Variants in PTPRD observed in about 807,000 individuals in gnomAD.
PTPRD encodes protein tyrosine phosphatase receptor type D.
Under a neutral mutation model 214.5 loss-of-function variants are expected in PTPRD, and 34 were observed. That is an observed-to-expected ratio of 0.16 (90% CI 0.12 to 0.21). PTPRD has a LOEUF of 0.21. Among genes scored for constraint, PTPRD ranks in the 10% least tolerant of loss-of-function variants. The pLI is 1.00. For missense variants in PTPRD, 2,545 were observed against 2,398.7 expected (o/e 1.06, Z -1.27); for synonymous variants, 1,128 against 845.7 (o/e 1.33, Z -5.79).
At chr9:10,315,935 G>T (rs1430105803) in intron 3 of PTPRD, among the ~76,000 whole-genome samples, 1 of 151,632 alleles carries the variant, frequency 6.6e-6, no homozygotes, top group Non-Finnish European at 1.5e-5. Context: ...ATTTTCTCTA[G>T]GTTTATCATA....
chr9:8,454,609 A>C (rs762716454), intron 33 of PTPRD: 113 of 1,612,378 alleles, frequency 7.0e-5, no homozygotes, highest in Non-Finnish European at 9.2e-5. Context: ...ATTTTAATGC[A>C]GCAAAAAAAG....
chr9:8,798,362 A>T lies in PTPRD; in HGVS notation c.-103-64416T>A, dbSNP rs114382298. ...ATTTTTTAACAGTTTAAATCATACCAAAGTGCCAAGAATGCAGATAATACT... is the reference window on the plus strand; with the variant it reads ...ATTTTTTAACAGTTTAAATCATACCTAAGTGCCAAGAATGCAGATAATACT... On this transcript the variant is annotated intron_variant, in intron 11 of 45. Coordinates refer to ENST00000381196, the MANE Select transcript of PTPRD (RefSeq NM_002839.4). Among the ~76,000 whole-genome samples, 1,416 of 152,320 alleles carry T rather than the reference A, an allele frequency of 9.3e-3. 13 individuals are homozygous for T. The highest frequency in any genetic ancestry group is 0.032 in the African/African-American group (1,310 of 41,564).
intron 8 of PTPRD, among the ~76,000 whole-genome samples, chr9:9,441,372 G>A (rs984705014): frequency 2.0e-5 from 3 of 152,110 alleles, no homozygotes; most frequent in Non-Finnish European, 4.4e-5. Context: ...CAGGTAAAAA[G>A]GTAGAAATAA....
At chr9:10,143,193 G>A (rs1050898102) in intron 3 of PTPRD, among the ~76,000 whole-genome samples, 3 of 152,052 alleles carry the variant, frequency 2.0e-5, no homozygotes, top group African/African-American at 2.4e-5. Context: ...GTTAGTGGGT[G>A]CAGCGCACCG....
intron 11 of PTPRD, among the ~76,000 whole-genome samples, chr9:8,780,217 T>C (rs1367391382): frequency 6.6e-6 from 1 of 152,150 alleles, no homozygotes; most frequent in African/African-American, 2.4e-5. Flanking sequence ...TCAGTAAAAA[T>C]TCTAGATAAT....
chr9:10,178,119 GTCC>G, intron 3 of PTPRD, among the ~76,000 whole-genome samples: 1 of 152,010 alleles, frequency 6.6e-6, no homozygotes, highest in Admixed American at 6.6e-5. Context: ...AGGACTGGTT[GTCC>G]ACCAGAATGA....
intron 2 of PTPRD, among the ~76,000 whole-genome samples, chr9:10,578,195 C>T (rs545792483): frequency 6.6e-6 from 1 of 152,206 alleles, no homozygotes; most frequent in East Asian, 1.9e-4. Context: ...CAGGCATGAG[C>T]CACCACACCC....
intron 37 of PTPRD, among the ~76,000 whole-genome samples, chr9:8,380,030 T>C (rs76176228): frequency 0.012 from 1,890 of 152,252 alleles, 34 homozygotes; most frequent in African/African-American, 0.042. Context: ...CAAACAGGCA[T>C]TCAACAAACA....
chr9:9,253,052 T>C (rs913070769), intron 9 of PTPRD, among the ~76,000 whole-genome samples: 2 of 152,116 alleles, frequency 1.3e-5, no homozygotes, highest in African/African-American at 2.4e-5. Context: ...AGAATAATTG[T>C]GAAATTTTAA....
intron 39 of PTPRD, among the ~76,000 whole-genome samples, chr9:8,355,975 G>T (rs2076896472): frequency 6.6e-6 from 1 of 152,058 alleles, no homozygotes; most frequent in Non-Finnish European, 1.5e-5. Context: ...ATATGTGTGT[G>T]TTTACATACA....
At chr9:8,989,821 A>T (rs2154346573) in intron 11 of PTPRD, among the ~76,000 whole-genome samples, 1 of 152,280 alleles carries the variant, frequency 6.6e-6, no homozygotes, top group South Asian at 2.1e-4. Flanking sequence ...CAGTGCCAGA[A>T]ACCGTGAAGC....
At chr9:8,781,537 G>T (rs926063431) in intron 11 of PTPRD, among the ~76,000 whole-genome samples, 1 of 151,976 alleles carries the variant, frequency 6.6e-6, no homozygotes, top group Non-Finnish European at 1.5e-5. Flanking sequence ...TAGGAAAACA[G>T]GAAAAAAGCA....
intron 9 of PTPRD, among the ~76,000 whole-genome samples, chr9:9,356,451 T>G (rs144827500): frequency 7.0e-4 from 106 of 151,446 alleles, no homozygotes; most frequent in African/African-American, 2.2e-3. Flanking sequence ...CCAAGTGAAA[T>G]GCAAACACAC....
intron 5 of PTPRD, among the ~76,000 whole-genome samples, chr9:9,894,137 A>T (rs998903156): frequency 2.6e-5 from 4 of 152,004 alleles, no homozygotes; most frequent in African/African-American, 9.7e-5. Context: ...TTAATATGTC[A>T]CATGAACACC....
chr9:8,493,849 T>C (rs534004145), intron 26 of PTPRD, among the ~76,000 whole-genome samples: 1 of 152,294 alleles, frequency 6.6e-6, no homozygotes, highest in African/African-American at 2.4e-5. Context: ...GACCAGATGC[T>C]CTTTGATATA....
rs1248541079 is a variant in PTPRD at position 8,492,982 on chromosome 9, G to T, written c.2350-3C>A. 6.2e-7 allele frequency: 1 copy of T among 1,605,766 alleles called. No homozygotes were observed. Among genetic ancestry groups the T allele is most frequent in the African/African-American group, 1.3e-5 (1 of 74,820 alleles). ...TGGAGCCCAGAAATGATCATGTCCT[G>T]AAATGACAAAATAGAATGTCACTGA... is the stretch of plus-strand genomic sequence containing the variant. On this transcript the variant is annotated splice_polypyrimidine_tract_variant and splice_region_variant and intron_variant, in intron 26 of 45. Transcript: ENST00000381196.
intron 4 of PTPRD, among the ~76,000 whole-genome samples, chr9:9,955,347 T>G (rs528820421): frequency 4.6e-5 from 7 of 152,298 alleles, no homozygotes; most frequent in African/African-American, 1.7e-4. Flanking sequence ...GTATTTAAGC[T>G]ATATTCTTAA....
intron 3 of PTPRD, among the ~76,000 whole-genome samples, chr9:10,041,557 G>T (rs1345736444): frequency 6.6e-6 from 1 of 151,456 alleles, no homozygotes; most frequent in Non-Finnish European, 1.5e-5. Flanking sequence ...AGTGGAGAAG[G>T]TGCAAAATCC....
At chr9:9,030,543 A>T (rs1196453532) in intron 10 of PTPRD, among the ~76,000 whole-genome samples, 2 of 151,808 alleles carry the variant, frequency 1.3e-5, no homozygotes, top group Non-Finnish European at 1.5e-5. Flanking sequence ...CTTACTGCTT[A>T]AAATATACCA....
Sources: allele counts gnomAD v4.1 joint callset (sites outside exome capture counted in the v4.1 genomes callset), GRCh38; gene constraint gnomAD v4.1.1; transcripts MANE v1.5; gene names NCBI Gene and HGNC (gene_info 2026-07-23, HGNC 2026-07-21).